The following NPHP1 variants were observed in gnomAD, a reference collection of about 807,000 sequenced individuals.
The protein encoded by NPHP1 is nephrocystin-1.
Under a neutral mutation model 90.4 loss-of-function variants are expected in NPHP1, and 70 were observed. The observed-to-expected ratio is 0.77, with a 90% CI of 0.64 to 0.95. NPHP1 has a LOEUF of 0.95. Among genes scored for constraint, NPHP1 ranks in the 40% least tolerant of loss-of-function variants. NPHP1 has a pLI of 0.00. For synonymous variants in NPHP1, 256 were observed against 271.7 expected, an observed-to-expected ratio of 0.94 and a Z score of 0.57; for missense variants, 764 against 795.9, an observed-to-expected ratio of 0.96 and a Z score of 0.48.
In NPHP1 at chr2:110,164,669, C is replaced by T. The variant is rs780802757; in HGVS notation, c.771+19G>A. 5.6e-6 allele frequency: 9 copies of T among 1,613,958 alleles called. No homozygotes were observed. Among genetic ancestry groups the T allele is most frequent in the African/African-American group, 1.3e-5 (1 of 75,010 alleles). ...AGGTAGCAAAACGAGACATGATTAA[C>T]AAGACAGAAGATGCCCGCCTCTGAA... On this transcript the variant is annotated intron_variant, in intron 8 of 19. Transcript: ENST00000445609.
chr2:110,189,548 G>C lies in NPHP1; in HGVS notation c.144-9864C>G, dbSNP rs1684541218. 1.3e-5 allele frequency among the ~76,000 whole-genome samples: 2 copies of C among 152,134 alleles called. 1 individual carries two copies. Among genetic ancestry groups the C allele is most frequent in the South Asian group, 4.2e-4 (2 of 4,814 alleles). Reference sequence around the variant, plus strand: ...GGACCCAAAGAGTGAGCAGTAGCAAGATTTATTGCAAACAGCGAAAGAACA... The same window carrying C: ...GGACCCAAAGAGTGAGCAGTAGCAACATTTATTGCAAACAGCGAAAGAACA... On this transcript the variant is annotated intron_variant, in intron 2 of 19. Coordinates refer to ENST00000445609, the MANE Select transcript of NPHP1 (RefSeq NM_001128178.3).
At chr2:110,188,144 C>G (rs762265048) in intron 2 of NPHP1, among the ~76,000 whole-genome samples, 2 of 152,078 alleles carry the variant, frequency 1.3e-5, no homozygotes, top group African/African-American at 2.4e-5. Flanking sequence ...CTATTCAATG[C>G]AGTGTTGGAA....
chr2:110,147,110 A>C (rs962260475), intron 13 of NPHP1, among the ~76,000 whole-genome samples: 1 of 152,170 alleles, frequency 6.6e-6, no homozygotes, highest in Non-Finnish European at 1.5e-5. Flanking sequence ...CTCTTGACTG[A>C]TATAAGCATT....
At chr2:110,182,075 A>C (rs1272978038) in intron 2 of NPHP1, among the ~76,000 whole-genome samples, 1 of 152,162 alleles carries the variant, frequency 6.6e-6, no homozygotes, top group Non-Finnish European at 1.5e-5. Flanking sequence ...ACAGGCGGAC[A>C]AGAATAGGGA....
intron 2 of NPHP1, among the ~76,000 whole-genome samples, chr2:110,181,676 A>G (rs1683915644): frequency 6.6e-6 from 1 of 152,200 alleles, no homozygotes; most frequent in Non-Finnish European, 1.5e-5. Flanking sequence ...GCCCACAAAG[A>G]TGAGAAATAA....
intron 2 of NPHP1, chr2:110,184,213 A>C (rs982204772): frequency 5.3e-6 from 3 of 570,506 alleles, no homozygotes; most frequent in Admixed American, 3.8e-5. Context: ...GGAGCCCTTG[A>C]AGGTGACATC....
chr2:110,171,742 G>T (rs1420505747), intron 4 of NPHP1, among the ~76,000 whole-genome samples: 1 of 151,988 alleles, frequency 6.6e-6, no homozygotes, highest in Non-Finnish European at 1.5e-5. Flanking sequence ...TTAATGTTAA[G>T]CCAACCTCAC....
chr2:110,164,795 T>G, intron 7 of NPHP1, 65 bp from the exon 8 acceptor site: 1 of 1,338,384 alleles, frequency 7.5e-7, no homozygotes, highest in South Asian at 1.2e-5. Context: ...TTAGGGAACT[T>G]CTTTAATCAC....
chr2:110,190,051 T>C lies in NPHP1; in HGVS notation c.144-10367A>G, dbSNP rs1226032788. ...CACTGAGCTAGACACAGGGGGCTGA[T>C]TGGTGTGTTTACAAACCTTGAGCTA... is the stretch of plus-strand genomic sequence containing the variant. On this transcript the variant is annotated intron_variant, in intron 2 of 19. Transcript: ENST00000445609. Among the ~76,000 whole-genome samples the C allele has an allele frequency of 3.3e-5, 5 of 152,318 alleles. No individual in the cohort carries two copies. The East Asian group carries it at 7.7e-4, about 24-fold the overall frequency.
chr2:110,140,674 C>G (rs1300211591), intron 16 of NPHP1, among the ~76,000 whole-genome samples: 1 of 151,986 alleles, frequency 6.6e-6, no homozygotes, highest in Middle Eastern at 3.2e-3. Context: ...TGAGGCCAAA[C>G]AAGATTTGGG....
At chr2:110,132,311 A>C (rs991399342) in intron 16 of NPHP1, among the ~76,000 whole-genome samples, 2 of 152,176 alleles carry the variant, frequency 1.3e-5, no homozygotes, top group African/African-American at 4.8e-5. Flanking sequence ...CATTTATTGG[A>C]TACCAATAGT....
intron 4 of NPHP1, among the ~76,000 whole-genome samples, chr2:110,170,972 A>C (rs1445529846): frequency 6.6e-6 from 1 of 152,130 alleles, no homozygotes; most frequent in Non-Finnish European, 1.5e-5. Flanking sequence ...TTACCTTTAA[A>C]GTCGCCCCTA....
chr2:110,179,150 A>G (rs571468040), intron 3 of NPHP1, among the ~76,000 whole-genome samples: 1 of 45,120 alleles, frequency 2.2e-5, no homozygotes, highest in Non-Finnish European at 3.9e-5. Flanking sequence ...GGCTCATGTG[A>G]AAAAAAAAAA....
chr2:110,160,237 G>T lies in NPHP1; in HGVS notation c.973C>A (p.Arg325Ser). ...TEGTIRSRPS[R>S]ISLILTLWSC... Reference sequence around the variant, plus strand: ...CATAATGTCAGAATCAATGAAATACGACTTGGTCTCGACCTAATCTGAAAG... The same window carrying T: ...CATAATGTCAGAATCAATGAAATACTACTTGGTCTCGACCTAATCTGAAAG... Residue 325 changes from arginine (R) to serine (S), a missense_variant, in exon 11 of 20, where the codon CGT becomes AGT. Coordinates refer to ENST00000445609, the MANE Select transcript of NPHP1 (RefSeq NM_001128178.3). 6.2e-7 allele frequency: 1 copy of T among 1,610,434 alleles called. No individual in the cohort carries two copies. The highest frequency in any genetic ancestry group is 1.1e-5 in the South Asian group (1 of 90,970).
At chr2:110,182,700 C>T (rs532636215) in intron 2 of NPHP1, among the ~76,000 whole-genome samples, 24 of 152,198 alleles carry the variant, frequency 1.6e-4, no homozygotes, top group Non-Finnish European at 3.4e-4. Flanking sequence ...CACTGAAGTA[C>T]ACAGACCAGT....
intron 5 of NPHP1, 42 bp from the exon 6 acceptor site, chr2:110,168,595 T>A (rs765022372): frequency 7.0e-6 from 9 of 1,292,160 alleles, no homozygotes; most frequent in Non-Finnish European, 1.0e-5. Flanking sequence ...TAAAATTCAA[T>A]AATCATGAGT....
chr2:110,136,478 T>C (rs912790067), intron 16 of NPHP1, among the ~76,000 whole-genome samples: 5 of 152,248 alleles, frequency 3.3e-5, no homozygotes, highest in African/African-American at 1.2e-4. Flanking sequence ...AGCAAAGTCT[T>C]AGGGTACAAA....
intron 9 of NPHP1, 75 bp from the exon 10 acceptor site, chr2:110,161,772 T>C: frequency 9.2e-7 from 1 of 1,089,618 alleles, no homozygotes; most frequent in South Asian, 1.3e-5. Flanking sequence ...TGTTATGCTA[T>C]GAACTAGAGT....
intron 6 of NPHP1, among the ~76,000 whole-genome samples, chr2:110,168,018 CTA>C (rs1459079578): frequency 2.0e-5 from 3 of 152,084 alleles, no homozygotes; most frequent in Non-Finnish European, 4.4e-5. Flanking sequence ...AGACAGAAAT[CTA>C]TATATCTTGG....
Sources: allele counts gnomAD v4.1 joint callset (sites outside exome capture counted in the v4.1 genomes callset), GRCh38; gene constraint gnomAD v4.1.1; transcripts MANE v1.5; gene names NCBI Gene and HGNC (gene_info 2026-07-23, HGNC 2026-07-21).